TENM4: variants seen among roughly 807,000 people sequenced by gnomAD.
The protein encoded by TENM4 is teneurin transmembrane protein 4.
TENM4 carries 82 observed loss-of-function variants against 243.3 expected under a neutral mutation model. That is an observed-to-expected ratio of 0.34 (90% CI 0.28 to 0.40). TENM4 has a LOEUF of 0.40. Ranked by LOEUF, TENM4 falls within the 10% of genes least tolerant of loss-of-function variation. The pLI is 1.00. For synonymous variants in TENM4, 1,412 were observed against 1,456.3 expected (o/e 0.97, Z 0.69); for missense variants, 3,138 against 3,673.3 (o/e 0.85, Z 3.77).
chr11:79,218,234 A>ACCG (rs147909182), intron 2 of TENM4, among the ~76,000 whole-genome samples: 39,482 of 96,192 alleles, frequency 0.41, 7,366 homozygotes, highest in Non-Finnish European at 0.51. Context: ...CCCCCTGCCC[A>ACCG]CCCACCCCCG....
At chr11:78,708,984 T>TTTTTTA (rs59432159) in intron 26 of TENM4, among the ~76,000 whole-genome samples, 2 of 145,310 alleles carry the variant, frequency 1.4e-5, no homozygotes, top group African/African-American at 5.4e-5. Flanking sequence ...TTTTTTTTTT[T>TTTTTTA]AAAAAAAGAG....
At chr11:79,307,013 A>G (rs914516621) in intron 1 of TENM4, among the ~76,000 whole-genome samples, 40 of 152,202 alleles carry the variant, frequency 2.6e-4, no homozygotes, top group African/African-American at 9.7e-4. Context: ...GGATCTTTTA[A>G]GATTCCTGAG....
intron 1 of TENM4, among the ~76,000 whole-genome samples, chr11:79,352,641 G>A (rs1857433225): frequency 6.6e-6 from 1 of 152,336 alleles, no homozygotes; most frequent in African/African-American, 2.4e-5. Context: ...AGGCGAGAGA[G>A]GCAAGGGGAA....
chr11:78,805,600 CAGA>C, intron 14 of TENM4, 108 bp from the exon 15 acceptor site: 1 of 1,312,772 alleles, frequency 7.6e-7, no homozygotes, highest in East Asian at 2.5e-5. Context: ...TACATTCTGG[CAGA>C]AGGATGCATA....
At chr11:78,985,818 G>A (rs887522989) in intron 6 of TENM4, among the ~76,000 whole-genome samples, 7 of 152,008 alleles carry the variant, frequency 4.6e-5, no homozygotes, top group Non-Finnish European at 7.4e-5. Context: ...TTCAATGAAG[G>A]TCAGCCAAGT....
intron 2 of TENM4, among the ~76,000 whole-genome samples, chr11:79,290,017 A>C (rs1441883426): frequency 6.6e-6 from 1 of 151,326 alleles, no homozygotes; most frequent in Non-Finnish European, 1.5e-5. Flanking sequence ...GCGGGTCTTG[A>C]ACTCCTGACC....
chr11:78,879,424 C>A (rs1228188856), intron 9 of TENM4, among the ~76,000 whole-genome samples: 4 of 150,630 alleles, frequency 2.7e-5, no homozygotes, highest in African/African-American at 4.9e-5. Flanking sequence ...CTCTGCCCGG[C>A]CGCCCCGTCT....
At chr11:79,405,612 T>G (rs1858549644) in intron 1 of TENM4, among the ~76,000 whole-genome samples, 1 of 152,016 alleles carries the variant, frequency 6.6e-6, no homozygotes, top group South Asian at 2.1e-4. Context: ...AAGCTATAGA[T>G]GCAATTTTGT....
intron 6 of TENM4, among the ~76,000 whole-genome samples, chr11:79,025,207 T>G (rs1439033838): frequency 2.0e-5 from 3 of 152,100 alleles, no homozygotes; most frequent in Non-Finnish European, 4.4e-5. Flanking sequence ...GGGGTCATAT[T>G]CATGTCTATT....
At chr11:79,284,529 A>T (rs1253934077) in intron 2 of TENM4, among the ~76,000 whole-genome samples, 1 of 152,236 alleles carries the variant, frequency 6.6e-6, no homozygotes, top group Non-Finnish European at 1.5e-5. Flanking sequence ...TCCAGACCTC[A>T]CACAAAATAC....
intron 3 of TENM4, among the ~76,000 whole-genome samples, chr11:79,192,801 A>C (rs1464377966): frequency 1.3e-5 from 2 of 152,264 alleles, no homozygotes; most frequent in African/African-American, 4.8e-5. Flanking sequence ...CTGTATCAGT[A>C]TCTTGAGCAT....
intron 1 of TENM4, among the ~76,000 whole-genome samples, chr11:79,377,341 A>C (rs1437602279): frequency 6.6e-6 from 1 of 152,228 alleles, no homozygotes; most frequent in African/African-American, 2.4e-5. Context: ...CAGGAAACCA[A>C]TGCAGCTGGC....
chr11:79,149,520 T>C (rs1862460097), intron 3 of TENM4, among the ~76,000 whole-genome samples: 2 of 149,884 alleles, frequency 1.3e-5, no homozygotes, highest in Admixed American at 1.3e-4. Flanking sequence ...TAGTTGGAAG[T>C]ATTTTTATAA....
rs149030577 is a variant in TENM4, at chr11:79,185,297, C to G, written c.-163+30511G>C. On this transcript the variant is annotated intron_variant, in intron 3 of 33. Transcript: ENST00000278550. Reference sequence around the variant, plus strand: ...CTTGGGTGACAGAGCGAGTCCCTGTCTCACAAAAAACTACAACAACAACAA... The same window carrying G: ...CTTGGGTGACAGAGCGAGTCCCTGTGTCACAAAAAACTACAACAACAACAA... Among the ~76,000 whole-genome samples the G allele has an allele frequency of 4.6e-5, 7 of 151,866 alleles. No homozygotes were observed. In the East Asian group the frequency reaches 1.4e-3, roughly 29 times the overall value.
At chr11:78,844,025 G>A (rs1858325260) in intron 12 of TENM4, among the ~76,000 whole-genome samples, 1 of 152,170 alleles carries the variant, frequency 6.6e-6, no homozygotes, top group Non-Finnish European at 1.5e-5. Context: ...AGGCAGCTGG[G>A]CTCCAGGGGA....
Position 78,841,770 on chromosome 11 carries a change from T to G in TENM4, c.1681+12334A>C, listed in dbSNP as rs943772788. Among the ~76,000 whole-genome samples the G allele has an allele frequency of 8.5e-5, 13 of 152,244 alleles. No homozygotes were observed. In the East Asian group the frequency reaches 2.3e-3, roughly 27 times the overall value. Reference sequence around the variant, plus strand: ...GGTTACTCCCATCTGTCTCCTTCCCTGCTCTGTCTAGAAGTAACTGTTTCC... The same window carrying G: ...GGTTACTCCCATCTGTCTCCTTCCCGGCTCTGTCTAGAAGTAACTGTTTCC... On this transcript the variant is annotated intron_variant, in intron 12 of 33. Transcript: ENST00000278550.
intron 25 of TENM4, among the ~76,000 whole-genome samples, chr11:78,713,799 T>C (rs144149476): frequency 2.0e-5 from 3 of 152,318 alleles, no homozygotes; most frequent in Non-Finnish European, 2.9e-5. Flanking sequence ...ATATCTCTTA[T>C]TAAGACTGAA....
At chr11:79,273,182 A>T (rs746655372) in intron 2 of TENM4, among the ~76,000 whole-genome samples, 4 of 152,248 alleles carry the variant, frequency 2.6e-5, no homozygotes, top group African/African-American at 4.8e-5. Flanking sequence ...TCAATCTGCC[A>T]TGCATAATTG....
chr11:79,416,229 C>T (rs577292958), intron 1 of TENM4, among the ~76,000 whole-genome samples: 17 of 152,260 alleles, frequency 1.1e-4, no homozygotes, highest in African/African-American at 2.4e-4. Context: ...TATCTCAATA[C>T]GCTTTCACTT....
Sources: allele counts gnomAD v4.1 joint callset (sites outside exome capture counted in the v4.1 genomes callset), GRCh38; gene constraint gnomAD v4.1.1; transcripts MANE v1.5; gene names NCBI Gene and HGNC (gene_info 2026-07-23, HGNC 2026-07-21).